UTS2B: variants seen among roughly 807,000 people sequenced by gnomAD.
UTS2B encodes the protein urotensin-2B.
UTS2B carries 21 observed loss-of-function variants against 19.2 expected under a neutral mutation model. That is an observed-to-expected ratio of 1.09 (90% confidence interval 0.78 to 1.58). UTS2B has a LOEUF of 1.58. Among genes scored for constraint, UTS2B ranks in the 40% most tolerant of loss-of-function variants. UTS2B has a pLI of 0.00. For missense variants in UTS2B, 138 were observed against 130.3 expected, an observed-to-expected ratio of 1.06 and a Z score of -0.29; for synonymous variants, 57 against 50.2, an observed-to-expected ratio of 1.14 and a Z score of -0.58.
At chr3:191,332,789 T>C (rs1238255900), upstream of UTS2B, among the ~76,000 whole-genome samples, 1 of 152,220 alleles carries the variant, frequency 6.6e-6, no homozygotes, top group Non-Finnish European at 1.5e-5. Flanking sequence ...ACTCCCTACT[T>C]CCTTTTGCTC....
At chr3:191,315,657 C>A (rs1199352279) in intron 3 of UTS2B, among the ~76,000 whole-genome samples, 1 of 152,186 alleles carries the variant, frequency 6.6e-6, no homozygotes, top group African/African-American at 2.4e-5. Flanking sequence ...TTTCCACTGC[C>A]AGAGTCATGC....
At chr3:191,290,915 T>C (rs1716695496) in intron 4 of UTS2B, among the ~76,000 whole-genome samples, 1 of 152,230 alleles carries the variant, frequency 6.6e-6, no homozygotes, top group Admixed American at 6.5e-5. Flanking sequence ...ATTACTTTTT[T>C]TGTAGTAAGA....
At chr3:191,296,017 C>T (rs1008390521) in intron 4 of UTS2B, among the ~76,000 whole-genome samples, 4 of 152,152 alleles carry the variant, frequency 2.6e-5, no homozygotes, top group Admixed American at 2.6e-4. Flanking sequence ...GTAATACTAC[C>T]ATTTAAAATC....
chr3:191,270,356 C>A (rs1188774569), intron 8 of UTS2B, among the ~76,000 whole-genome samples: 1 of 152,068 alleles, frequency 6.6e-6, no homozygotes, highest in Non-Finnish European at 1.5e-5. Flanking sequence ...GTCACCACAC[C>A]AGGCTAATTT....
In UTS2B at chr3:191,267,989, C is replaced by G. The variant is rs1353681510; in HGVS notation, c.*427G>C. 1 of 152,608 alleles carries G rather than the reference C, an allele frequency of 6.6e-6. No individual in the cohort carries two copies. The highest frequency in any genetic ancestry group is 1.9e-4 in the East Asian group (1 of 5,214). The allele number at this position is 152,608 out of a possible 1,614,324, so 9.5% of individuals were successfully genotyped here. A position where few individuals can be genotyped will look rare whatever the true frequency, so the allele number is the denominator to read the frequency against. ...CCAGAAATTCTCAGAAGGAAATATG[C>G]CTTAACCCTAAAGAGGCCTAGAAGA... On this transcript the variant is annotated 3_prime_UTR_variant, in exon 9 of 9. Coordinates refer to ENST00000340524, the MANE Select transcript of UTS2B (RefSeq NM_198152.5).
upstream of UTS2B, among the ~76,000 whole-genome samples, chr3:191,334,933 AG>A (rs1718093541): frequency 1.3e-5 from 2 of 152,182 alleles, no homozygotes; most frequent in South Asian, 2.1e-4. Flanking sequence ...AGTGAACTGT[AG>A]GAAGTCACAC....
At chr3:191,279,834 T>G (rs1716335412) in intron 5 of UTS2B, among the ~76,000 whole-genome samples, 1 of 152,092 alleles carries the variant, frequency 6.6e-6, no homozygotes. Flanking sequence ...AGTAAGATAT[T>G]GGCTAAAAAA....
At chr3:191,304,859 G>C (rs1423990823) in intron 3 of UTS2B, among the ~76,000 whole-genome samples, 1 of 152,028 alleles carries the variant, frequency 6.6e-6, no homozygotes, top group African/African-American at 2.4e-5. Flanking sequence ...AGTGTGTGTT[G>C]TTCCCCTCTA....
chr3:191,333,210 C>G (rs566866956), upstream of UTS2B, among the ~76,000 whole-genome samples: 2 of 152,168 alleles, frequency 1.3e-5, no homozygotes, highest in Admixed American at 1.3e-4. Context: ...GGGAGCAAAT[C>G]CTTTTTCTTT....
chr3:191,276,809 G>A lies in UTS2B; in HGVS notation c.238C>T (p.Gln80Ter), dbSNP rs758923389. 6.0e-5 allele frequency: 97 copies of A among 1,611,434 alleles called. No individual in the cohort carries two copies. Among genetic ancestry groups the A allele is most frequent in the Non-Finnish European group, 7.7e-5 (91 of 1,178,916 alleles). The change falls in exon 7 of 9, where the codon CAG becomes TAG. Residue 80 changes from glutamine (Q) to a stop codon, truncating the protein, a stop_gained and splice_region_variant. Transcript: ENST00000340524. LOFTEE classifies it high-confidence loss of function. Reference sequence around the variant, plus strand: ...ATTTAAGTATTTCACATTCTCACCTGGTTAAGTTCTTCCAGTTTGTTAGGT... The same window carrying A: ...ATTTAAGTATTTCACATTCTCACCTAGTTAAGTTCTTCCAGTTTGTTAGGT... Reference protein sequence around the residue: ...ALPNKLEELNQLEKLKEQLVE... With the variant: ...ALPNKLEELN
intron 4 of UTS2B, among the ~76,000 whole-genome samples, chr3:191,283,053 G>A (rs1716432946): frequency 6.6e-6 from 1 of 152,044 alleles, no homozygotes; most frequent in South Asian, 2.1e-4. Flanking sequence ...AAAGACTTTG[G>A]ATGTATCCAC....
At chr3:191,329,618 G>A in intron 1 of UTS2B, 1 of 1,569,082 alleles carries the variant, frequency 6.4e-7, no homozygotes, top group Non-Finnish European at 8.6e-7. Flanking sequence ...GCCCCGCTCG[G>A]CGCCGGCGGT....
the UTS2B span, among the ~76,000 whole-genome samples, chr3:191,343,095 T>G: frequency 3.3e-5 from 5 of 152,294 alleles, no homozygotes; most frequent in East Asian, 9.6e-4. Flanking sequence ...CTGTGTATAC[T>G]GAGGGACTTT....
chr3:191,298,199 A>G (rs980479454), intron 4 of UTS2B, among the ~76,000 whole-genome samples: 1 of 151,996 alleles, frequency 6.6e-6, no homozygotes, highest in Non-Finnish European at 1.5e-5. Flanking sequence ...ATAGACCCAC[A>G]ATAACCTTGT....
the UTS2B span, among the ~76,000 whole-genome samples, chr3:191,335,567 T>G: frequency 6.6e-6 from 1 of 152,148 alleles, no homozygotes. Flanking sequence ...TTAAAAGGAC[T>G]GTTAAGCAGA....
chr3:191,293,471 GTCTT>G (rs1716771373), intron 4 of UTS2B, among the ~76,000 whole-genome samples: 1 of 149,866 alleles, frequency 6.7e-6, no homozygotes, highest in African/African-American at 2.5e-5. Context: ...GCTAATTTTT[GTCTT>G]TCTAAGAATT....
At chr3:191,345,680 T>G in the UTS2B span, among the ~76,000 whole-genome samples, 5 of 152,220 alleles carry the variant, frequency 3.3e-5, no homozygotes, top group African/African-American at 1.2e-4. Flanking sequence ...CATATCTACT[T>G]GCCAAACAAG....
At chr3:191,313,596 C>T (rs970215354) in intron 3 of UTS2B, among the ~76,000 whole-genome samples, 10 of 152,078 alleles carry the variant, frequency 6.6e-5, no homozygotes, top group African/African-American at 2.2e-4. Context: ...CTCTTTAAGT[C>T]AATAGAGTAA....
intron 4 of UTS2B, among the ~76,000 whole-genome samples, chr3:191,297,861 C>T (rs1576924441): frequency 6.6e-6 from 1 of 152,330 alleles, no homozygotes; most frequent in Middle Eastern, 3.4e-3. Flanking sequence ...TGTGATAATG[C>T]ACTTAAATAA....
Sources: allele counts gnomAD v4.1 joint callset (sites outside exome capture counted in the v4.1 genomes callset), GRCh38; gene constraint gnomAD v4.1.1; transcripts MANE v1.5; gene names NCBI Gene and HGNC (gene_info 2026-07-23, HGNC 2026-07-21).